MIA2: variants seen among roughly 807,000 people sequenced by gnomAD.
The protein encoded by MIA2 is MIA SH3 domain ER export factor 2, also known as melanoma inhibitory activity protein 2.
In MIA2, 127 loss-of-function variants were observed where a neutral mutation model predicts 167.8. That is an observed-to-expected ratio of 0.76 (90% CI 0.66 to 0.88). The LOEUF (loss-of-function observed/expected upper bound fraction) is 0.88. Ranked by LOEUF, MIA2 falls within the 40% of genes least tolerant of loss-of-function variation. The pLI, the probability that MIA2 is intolerant of heterozygous loss-of-function variation, is 0.00. For missense variants in MIA2, 1,690 were observed against 1,624.7 expected (o/e 1.04, Z -0.69); for synonymous variants, 552 against 541.9 (o/e 1.02, Z -0.26).
At chr14:39,275,507 A>G (rs1050709499) in intron 6 of MIA2, among the ~76,000 whole-genome samples, 2 of 152,220 alleles carry the variant, frequency 1.3e-5, no homozygotes, top group Admixed American at 6.5e-5. Flanking sequence ...ATTGAATCTA[A>G]GAAATATTAT....
chr14:39,285,384 C>T (rs1455735953), intron 9 of MIA2, among the ~76,000 whole-genome samples: 1 of 150,802 alleles, frequency 6.6e-6, no homozygotes, highest in Admixed American at 6.6e-5. Context: ...GGGGGCTGCC[C>T]CCCACCTCCC....
At position 39,385,436 on chromosome 14, in the gene MIA2, C is replaced by T. The variant is rs530578021; in HGVS notation, c.2249-1449C>T. On this transcript the variant is annotated intron_variant, in intron 23 of 23. Transcript: ENST00000341502. Reference sequence around the variant, plus strand: ...GTACTTGATGTGTTACTTGGAGATTCAATCATCAGTCTTGGGTCAATCAAC... The same window carrying T: ...GTACTTGATGTGTTACTTGGAGATTTAATCATCAGTCTTGGGTCAATCAAC... 5.6e-5 allele frequency: 74 copies of T among 1,312,728 alleles called. 1 individual carries two copies. The highest frequency in any genetic ancestry group is 5.2e-4 in the South Asian group (44 of 84,780). The allele number at this position is 1,312,728 out of a possible 1,614,324, so 81.3% of individuals were successfully genotyped here. A position where few individuals can be genotyped will look rare whatever the true frequency, so the allele number is the denominator to read the frequency against.
chr14:39,259,807 A>C (rs905874866), intron 6 of MIA2, among the ~76,000 whole-genome samples: 1 of 149,142 alleles, frequency 6.7e-6, no homozygotes, highest in African/African-American at 2.5e-5. Context: ...TTGCTGCACC[A>C]TTAACTCATC....
rs1417179308 is a variant in MIA2 at position 39,233,918 on chromosome 14, AACAG to A, written c.-192_-189del. On this transcript the variant is annotated 5_prime_UTR_variant, in exon 1 of 29. Transcript: ENST00000640607. The stretch of plus-strand genomic sequence containing the variant: ...GGAATACCTGACACTGCAGATTGAA[AACAG>A]ACAGTGTTTGTCTCTCAAGTTAAAC... 4 of 455,702 alleles carry A rather than the reference AACAG, an allele frequency of 8.8e-6. No homozygotes were observed. Among genetic ancestry groups the A allele is most frequent in the African/African-American group, 4.1e-5 (2 of 49,244 alleles). The allele number at this position is 455,702 out of a possible 1,614,324, so 28.2% of individuals were successfully genotyped here.
intron 4 of MIA2, among the ~76,000 whole-genome samples, chr14:39,248,778 C>T (rs932209667): frequency 2.0e-5 from 3 of 151,770 alleles, no homozygotes; most frequent in African/African-American, 7.3e-5. Context: ...CTCACTTTAT[C>T]GTCTAAGCTG....
chr14:39,352,868 A>T (rs979767991), downstream of MIA2, among the ~76,000 whole-genome samples: 5 of 152,156 alleles, frequency 3.3e-5, no homozygotes, highest in African/African-American at 1.2e-4. Context: ...CTCATTTTTT[A>T]TATTGAGAAT....
At chr14:39,249,286 C>T (rs778304781) in intron 4 of MIA2, among the ~76,000 whole-genome samples, 1 of 152,092 alleles carries the variant, frequency 6.6e-6, no homozygotes, top group African/African-American at 2.4e-5. Context: ...GACTACAAGT[C>T]TGCACCATTA....
At chr14:39,305,840 G>A (rs1358697737) in intron 17 of MIA2, among the ~76,000 whole-genome samples, 1 of 151,870 alleles carries the variant, frequency 6.6e-6, no homozygotes, top group Admixed American at 6.6e-5. Context: ...GGAGGCTGAG[G>A]CACGAGAATC....
chr14:39,370,999 T>A (rs2074931757), intron 23 of MIA2, among the ~76,000 whole-genome samples: 1 of 152,226 alleles, frequency 6.6e-6, no homozygotes, highest in South Asian at 2.1e-4. Flanking sequence ...TTTTGAATTG[T>A]TGTAATTATG....
At chr14:39,277,601 G>A (rs1471984575) in intron 7 of MIA2, among the ~76,000 whole-genome samples, 17 of 138,594 alleles carry the variant, frequency 1.2e-4, no homozygotes, top group African/African-American at 4.3e-4. Flanking sequence ...CTCCTGCCTC[G>A]GCCTCCCAAA....
downstream of MIA2, among the ~76,000 whole-genome samples, chr14:39,355,570 CCGGAACTT>C (rs1373061866): frequency 6.6e-6 from 1 of 152,100 alleles, no homozygotes; most frequent in Non-Finnish European, 1.5e-5. Context: ...ATTGCCCTGG[CCGGAACTT>C]CGAACACTGT....
chr14:39,386,681 ATTG>A (rs2075277349), intron 23 of MIA2: 2 of 1,128,220 alleles, frequency 1.8e-6, no homozygotes, highest in East Asian at 2.3e-5. Context: ...CCTTCTCATT[ATTG>A]TTATTGTTTT....
downstream of MIA2, chr14:39,351,321 T>C (rs1435467309): frequency 2.0e-5 from 3 of 151,742 alleles, no homozygotes; most frequent in Non-Finnish European, 4.4e-5. Flanking sequence ...CCAGGTGTTG[T>C]TTGGAACACT....
intron 23 of MIA2, among the ~76,000 whole-genome samples, chr14:39,380,459 C>T (rs1230810031): frequency 6.6e-6 from 1 of 151,896 alleles, no homozygotes; most frequent in Admixed American, 6.6e-5. Flanking sequence ...CTTTGGGAGG[C>T]CAAGGAGGGC....
chr14:39,376,133 T>C (rs903740268), intron 23 of MIA2, among the ~76,000 whole-genome samples: 5 of 152,136 alleles, frequency 3.3e-5, no homozygotes, highest in Admixed American at 6.5e-5. Flanking sequence ...TTTGTATTTT[T>C]AGTAGAGATG....
chr14:39,372,637 T>C (rs995112538), intron 23 of MIA2, among the ~76,000 whole-genome samples: 1 of 152,202 alleles, frequency 6.6e-6, no homozygotes, highest in African/African-American at 2.4e-5. Context: ...AAGGAAAATA[T>C]CCTTGGTGCC....
At chr14:39,332,287 C>T (rs963241721) in intron 25 of MIA2, among the ~76,000 whole-genome samples, 2 of 152,148 alleles carry the variant, frequency 1.3e-5, no homozygotes, top group South Asian at 2.1e-4. Context: ...TGTTTTTTGG[C>T]TGCATCAGGT....
At chr14:39,357,506 A>G (rs912831106) in intron 23 of MIA2, among the ~76,000 whole-genome samples, 2 of 152,086 alleles carry the variant, frequency 1.3e-5, no homozygotes, top group African/African-American at 2.4e-5. Context: ...CTCTTCATTC[A>G]GTTTGCCAGT....
At chr14:39,366,318 C>T (rs746291613) in intron 23 of MIA2, among the ~76,000 whole-genome samples, 42 of 151,990 alleles carry the variant, frequency 2.8e-4, no homozygotes, top group Non-Finnish European at 1.0e-4. Context: ...TTCTGGGTAA[C>T]TTTGTTGGGT....
Sources: gnomAD v4.1 joint callset for allele counts (sites outside exome capture counted in the v4.1 genomes callset) on GRCh38, gnomAD v4.1.1 for gene constraint, MANE v1.5 for transcripts, NCBI Gene and HGNC (gene_info 2026-07-23, HGNC 2026-07-21) for gene names.